Variants in NKAIN2 observed in about 807,000 individuals in gnomAD.
The protein encoded by NKAIN2 is sodium/potassium-transporting ATPase subunit beta-1-interacting protein 2.
NKAIN2 carries 14 observed loss-of-function variants against 32.6 expected under a neutral mutation model. That is an observed-to-expected ratio of 0.43 (90% CI 0.28 to 0.67). The LOEUF is 0.67. Ranked by LOEUF, NKAIN2 falls within the 30% of genes least tolerant of loss-of-function variation. The pLI is 0.17. For synonymous variants in NKAIN2, 80 were observed against 87.2 expected (o/e 0.92, Z 0.46); for missense variants, 198 against 258.3 (o/e 0.77, Z 1.60).
intron 3 of NKAIN2, among the ~76,000 whole-genome samples, chr6:124,466,683 C>T (rs1776770374): frequency 6.6e-6 from 1 of 151,054 alleles, no homozygotes. Flanking sequence ...TGCAGGCATC[C>T]TGTAACATTT....
At chr6:124,630,811 C>T (rs1340788938) in intron 3 of NKAIN2, among the ~76,000 whole-genome samples, 1 of 152,000 alleles carries the variant, frequency 6.6e-6, no homozygotes, top group Non-Finnish European at 1.5e-5. Context: ...ACCTTCAGTC[C>T]ACGCGAAGTA....
chr6:124,310,963 A>G (rs572567680), intron 2 of NKAIN2, among the ~76,000 whole-genome samples: 1 of 152,226 alleles, frequency 6.6e-6, no homozygotes, highest in Non-Finnish European at 1.5e-5. Flanking sequence ...ACTCATTAAT[A>G]AAGAAACAAA....
chr6:124,392,911 A>G (rs578083996), intron 3 of NKAIN2, among the ~76,000 whole-genome samples: 1 of 152,214 alleles, frequency 6.6e-6, no homozygotes, highest in South Asian at 2.1e-4. Flanking sequence ...AAAGCTTGCT[A>G]CTTGGCACCC....
At chr6:124,211,136 T>C (rs1791152718) in intron 1 of NKAIN2, among the ~76,000 whole-genome samples, 1 of 151,866 alleles carries the variant, frequency 6.6e-6, no homozygotes, top group Non-Finnish European at 1.5e-5. Context: ...TAAATACTTA[T>C]TAAATTTTCC....
At chr6:124,125,988 C>T (rs942843149) in intron 1 of NKAIN2, among the ~76,000 whole-genome samples, 1 of 152,050 alleles carries the variant, frequency 6.6e-6, no homozygotes, top group East Asian at 1.9e-4. Flanking sequence ...TTCACCACTA[C>T]TCTTGTTTTA....
Position 124,064,716 on chromosome 6 carries a change from C to A in NKAIN2, c.55-218289C>A, listed in dbSNP as rs80228020. On this transcript the variant is annotated intron_variant, in intron 1 of 6. Coordinates refer to ENST00000368417, the MANE Select transcript of NKAIN2 (RefSeq NM_001040214.3). ...TATGAATAATATATAATTATAGTGT[C>A]GTTTTTGTTTTAACTATTAGCCACT... Among the ~76,000 whole-genome samples, 816 of 152,156 alleles carry A rather than the reference C, an allele frequency of 5.4e-3. 9 individuals carry two copies. The highest frequency in any genetic ancestry group is 0.019 in the African/African-American group (789 of 41,522).
chr6:124,515,034 C>T (rs2114781866), intron 3 of NKAIN2, among the ~76,000 whole-genome samples: 1 of 152,266 alleles, frequency 6.6e-6, no homozygotes, highest in South Asian at 2.1e-4. Flanking sequence ...TTGAGATTTT[C>T]TGTCTAGGAA....
chr6:124,371,725 A>G (rs1799773180), intron 3 of NKAIN2, among the ~76,000 whole-genome samples: 2 of 151,506 alleles, frequency 1.3e-5, no homozygotes, highest in Non-Finnish European at 2.9e-5. Flanking sequence ...AAGAAAGGAA[A>G]AAAAAGAGTG....
chr6:124,674,697 G>A (rs2114484789), intron 4 of NKAIN2, among the ~76,000 whole-genome samples: 1 of 151,886 alleles, frequency 6.6e-6, no homozygotes, highest in East Asian at 1.9e-4. Context: ...ATTTTTTTGT[G>A]TTGCTTTAAT....
intron 3 of NKAIN2, among the ~76,000 whole-genome samples, chr6:124,568,226 T>A (rs1484321071): frequency 6.6e-6 from 1 of 152,196 alleles, no homozygotes; most frequent in Non-Finnish European, 1.5e-5. Context: ...ATGAACATAG[T>A]GAATAGTAAA....
At chr6:124,388,020 C>A (rs9491151) in intron 3 of NKAIN2, among the ~76,000 whole-genome samples, 10,218 of 151,972 alleles carry the variant, frequency 0.067, 954 homozygotes, top group African/African-American at 0.21. Context: ...TGAATAAAGA[C>A]CTGGAATGCT....
chr6:124,277,521 T>G (rs938715437), intron 1 of NKAIN2, among the ~76,000 whole-genome samples: 1 of 151,968 alleles, frequency 6.6e-6, no homozygotes, highest in Non-Finnish European at 1.5e-5. Flanking sequence ...GTTAGGTAAG[T>G]TATATTCCCC....
chr6:124,258,335 A>C (rs1160967546), intron 1 of NKAIN2, among the ~76,000 whole-genome samples: 1 of 152,162 alleles, frequency 6.6e-6, no homozygotes, highest in African/African-American at 2.4e-5. Context: ...GAAATAAAGG[A>C]TCAGAACTTA....
chr6:124,223,178 A>G (rs1433085375), intron 1 of NKAIN2, among the ~76,000 whole-genome samples: 1 of 129,438 alleles, frequency 7.7e-6, no homozygotes, highest in African/African-American at 2.9e-5. Context: ...GCGCCACTGT[A>G]CTCCAGCCTG....
At chr6:124,643,226 A>T (rs1259207592) in intron 3 of NKAIN2, among the ~76,000 whole-genome samples, 6 of 152,172 alleles carry the variant, frequency 3.9e-5, no homozygotes, top group Admixed American at 3.9e-4. Flanking sequence ...TCCCTCTTCA[A>T]TCTAGCCGCA....
intron 5 of NKAIN2, among the ~76,000 whole-genome samples, chr6:124,793,686 A>AT (rs1779865963): frequency 6.6e-6 from 1 of 152,070 alleles, no homozygotes; most frequent in Admixed American, 6.6e-5. Flanking sequence ...GCTCAAAAAA[A>AT]AAAAAAAAAA....
intron 4 of NKAIN2, among the ~76,000 whole-genome samples, chr6:124,766,624 C>T (rs1297356211): frequency 2.6e-5 from 4 of 152,162 alleles, no homozygotes; most frequent in Non-Finnish European, 5.9e-5. Flanking sequence ...ATTGGAGAAA[C>T]TGCAAAAGCA....
intron 3 of NKAIN2, among the ~76,000 whole-genome samples, chr6:124,515,308 A>T (rs529469537): frequency 6.6e-6 from 1 of 152,046 alleles, no homozygotes; most frequent in Non-Finnish European, 1.5e-5. Context: ...AATGTTCAGA[A>T]TTAAGTATTT....
At chr6:123,879,990 C>T (rs1419826397) in intron 1 of NKAIN2, among the ~76,000 whole-genome samples, 2 of 152,234 alleles carry the variant, frequency 1.3e-5, no homozygotes, top group East Asian at 3.9e-4. Context: ...GTCCCTGGTT[C>T]TTCAGATGGA....
Sources: gnomAD v4.1 joint callset for allele counts (sites outside exome capture counted in the v4.1 genomes callset) on GRCh38, gnomAD v4.1.1 for gene constraint, MANE v1.5 for transcripts, NCBI Gene and HGNC (gene_info 2026-07-23, HGNC 2026-07-21) for gene names.